The following ERG variants were observed in gnomAD, a reference collection of about 807,000 sequenced individuals.
ERG encodes ETS transcription factor ERG.
Under a neutral mutation model 55.3 loss-of-function variants are expected in ERG, and 9 were observed. The ratio of observed to expected loss-of-function variants is 0.16; its 90% confidence interval spans 0.10 to 0.28. The LOEUF is 0.28. Ranked by LOEUF, ERG falls within the 10% of genes least tolerant of loss-of-function variation. The pLI is 1.00. For missense variants in ERG, 434 were observed against 631.6 expected, an observed-to-expected ratio of 0.69 and a Z score of 3.35; for synonymous variants, 223 against 237.3, an observed-to-expected ratio of 0.94 and a Z score of 0.55.
chr21:38,531,390 T>C (rs960490714), intron 2 of ERG, among the ~76,000 whole-genome samples: 1 of 152,220 alleles, frequency 6.6e-6, no homozygotes, highest in African/African-American at 2.4e-5. Context: ...GTTTGGAATC[T>C]GGCTGAAGGC....
upstream of ERG, among the ~76,000 whole-genome samples, chr21:38,499,500 T>C (rs1249139300): frequency 6.6e-6 from 1 of 151,622 alleles, no homozygotes; most frequent in African/African-American, 2.4e-5. Context: ...CATAAAGAGG[T>C]GTGGTCTCAA....
In ERG at chr21:38,460,624, G is replaced by A. The variant is rs2059033105; in HGVS notation, c.19-15003C>T. Among the ~76,000 whole-genome samples the A allele has an allele frequency of 6.6e-6, 1 of 152,050 alleles. No homozygotes were observed. Among genetic ancestry groups the A allele is most frequent in the South Asian group, 2.1e-4 (1 of 4,824 alleles). ...TACTTTTCATTCAGAGTCTGCAAGG[G>A]GTCACGGCCATTTTGAAAGGCTTTG... On this transcript the variant is annotated intron_variant, in intron 1 of 9. Transcript: ENST00000288319. This position sits in a 1 kb window ranked among gnomAD's most constrained non-coding sequence, Gnocchi z 5.0.
chr21:38,535,589 G>A (rs1043369348), intron 2 of ERG, among the ~76,000 whole-genome samples: 6 of 151,898 alleles, frequency 4.0e-5, no homozygotes, highest in African/African-American at 1.5e-4. Flanking sequence ...AACCCACAAT[G>A]TGTTAGGTTA....
intron 6 of ERG, among the ~76,000 whole-genome samples, chr21:38,399,410 G>C (rs558852693): frequency 6.6e-6 from 1 of 152,154 alleles, no homozygotes; most frequent in African/African-American, 2.4e-5. Flanking sequence ...GCCAAGCCTA[G>C]ATCTTGAACC....
chr21:38,592,156 A>C (rs572807434), intron 1 of ERG, among the ~76,000 whole-genome samples: 1 of 152,238 alleles, frequency 6.6e-6, no homozygotes, highest in Non-Finnish European at 1.5e-5. Context: ...GATTTGAAGC[A>C]CTTGGTCATT....
chr21:38,596,788 G>A (rs1331846325), intron 1 of ERG, among the ~76,000 whole-genome samples: 1 of 152,162 alleles, frequency 6.6e-6, no homozygotes, highest in Non-Finnish European at 1.5e-5. Flanking sequence ...TGAAGAACAT[G>A]GTTGGTTTCA....
chr21:38,654,533 T>C (rs1042842688), intron 1 of ERG, among the ~76,000 whole-genome samples: 3 of 152,224 alleles, frequency 2.0e-5, no homozygotes, highest in Admixed American at 6.5e-5. Flanking sequence ...TAATCAATAA[T>C]ATCCCTCTCT....
chr21:38,487,147 G>GAAAA (rs5843911), intron 1 of ERG, among the ~76,000 whole-genome samples: 1 of 136,782 alleles, frequency 7.3e-6, no homozygotes, highest in Non-Finnish European at 1.5e-5. Flanking sequence ...CACTATCCTG[G>GAAAA]AAAAAAAAAA....
chr21:38,397,614 AAAAAG>A (rs1299310721), intron 6 of ERG, among the ~76,000 whole-genome samples: 24 of 150,860 alleles, frequency 1.6e-4, no homozygotes, highest in Non-Finnish European at 3.4e-4. Context: ...AAAAAAAAAA[AAAAAG>A]AAGAGAAAAG....
chr21:38,548,945 C>T (rs924467662), intron 2 of ERG, among the ~76,000 whole-genome samples: 13 of 150,818 alleles, frequency 8.6e-5, no homozygotes, highest in Admixed American at 6.6e-4. Context: ...CCCGCCTCTA[C>T]TAAAAAAATA....
At chr21:38,646,536 T>C (rs968765894) in intron 1 of ERG, among the ~76,000 whole-genome samples, 44 of 152,166 alleles carry the variant, frequency 2.9e-4, no homozygotes, top group African/African-American at 1.1e-3. Flanking sequence ...TCCCTTCATG[T>C]ACTTTTTCCT....
intron 1 of ERG, among the ~76,000 whole-genome samples, chr21:38,486,937 G>T (rs2059290674): frequency 6.6e-6 from 1 of 152,144 alleles, no homozygotes; most frequent in African/African-American, 2.4e-5. Flanking sequence ...ACACTACCAA[G>T]AAGTAGGAGT....
intron 2 of ERG, among the ~76,000 whole-genome samples, chr21:38,570,097 C>T (rs2059948222): frequency 6.6e-6 from 1 of 152,162 alleles, no homozygotes; most frequent in Non-Finnish European, 1.5e-5. Flanking sequence ...ACAGGCTAGG[C>T]ACATCTTCAG....
intron 2 of ERG, among the ~76,000 whole-genome samples, chr21:38,554,741 T>G (rs2059847123): frequency 6.6e-6 from 1 of 152,040 alleles, no homozygotes; most frequent in African/African-American, 2.4e-5. Context: ...TTACATGGTT[T>G]ATGAAATAAT....
intron 1 of ERG, among the ~76,000 whole-genome samples, chr21:38,615,017 C>T (rs2060250307): frequency 6.6e-6 from 1 of 152,176 alleles, no homozygotes; most frequent in Non-Finnish European, 1.5e-5. Context: ...ACATCACTGC[C>T]TGAGATACCC....
chr21:38,630,554 A>G (rs1055231284), intron 1 of ERG, among the ~76,000 whole-genome samples: 1 of 152,210 alleles, frequency 6.6e-6, no homozygotes, highest in African/African-American at 2.4e-5. Context: ...CTTCCATTCT[A>G]TTGGTCAGAA....
At chr21:38,556,144 T>C (rs975013944) in intron 2 of ERG, among the ~76,000 whole-genome samples, 3 of 152,174 alleles carry the variant, frequency 2.0e-5, no homozygotes, top group African/African-American at 4.8e-5. Context: ...AAATGCCATA[T>C]TGCAGAAATG....
At chr21:38,556,819 A>AC (rs2059861310) in intron 2 of ERG, among the ~76,000 whole-genome samples, 1 of 152,004 alleles carries the variant, frequency 6.6e-6, no homozygotes, top group Non-Finnish European at 1.5e-5. Flanking sequence ...CCGCACCCAG[A>AC]CCCCCATACT....
chr21:38,367,790 A>G, the ERG span: 1 of 401,582 alleles, frequency 2.5e-6, no homozygotes, highest in Non-Finnish European at 4.9e-6. Flanking sequence ...CAGAGGAAGC[A>G]AACCTTCTGT....
Sources: gnomAD v4.1 joint callset for allele counts (sites outside exome capture counted in the v4.1 genomes callset) on GRCh38, gnomAD v4.1.1 for gene constraint, Gnocchi (gnomAD v3.1) non-coding constraint, MANE v1.5 for transcripts, NCBI Gene and HGNC (gene_info 2026-07-23, HGNC 2026-07-21) for gene names.